Variants in WDPCP observed in about 807,000 individuals in gnomAD.
The protein encoded by WDPCP is WD repeat-containing and planar cell polarity effector protein fritz homolog.
Under a neutral mutation model 93.1 loss-of-function variants are expected in WDPCP, and 71 were observed. That is an observed-to-expected ratio of 0.76 (90% CI 0.63 to 0.93). WDPCP has a LOEUF of 0.93. Ranked by LOEUF, WDPCP falls within the 40% of genes least tolerant of loss-of-function variation. WDPCP has a pLI of 0.00. For missense variants in WDPCP, 844 were observed against 887.4 expected, an observed-to-expected ratio of 0.95 and a Z score of 0.62; for synonymous variants, 315 against 315.0, an observed-to-expected ratio of 1.00 and a Z score of 0.00.
chr2:63,681,694 C>T (rs988146016), intron 2 of WDPCP, among the ~76,000 whole-genome samples: 5 of 152,060 alleles, frequency 3.3e-5, no homozygotes, highest in African/African-American at 4.8e-5. Flanking sequence ...TGAATATAGG[C>T]GGTAGGGAGG....
At chr2:63,464,929 G>A (rs1040806792) in intron 6 of WDPCP, among the ~76,000 whole-genome samples, 6 of 151,962 alleles carry the variant, frequency 3.9e-5, no homozygotes, top group African/African-American at 1.4e-4. Context: ...TAGAGTTTCT[G>A]TTTTGCAAAA....
rs574950707 is a variant in WDPCP at position 63,686,703 on chromosome 2, G to A, written n.309-35865C>T. On this transcript the variant is annotated intron_variant and non_coding_transcript_variant, in intron 2 of 4. Transcript: ENST00000467687. Reference sequence around the variant, plus strand: ...GTACTATAGTAACCAAAACAGAATGGTACTCGCATAAAAACAAACACATAG... The same window carrying A: ...GTACTATAGTAACCAAAACAGAATGATACTCGCATAAAAACAAACACATAG... Among the ~76,000 whole-genome samples the A allele has an allele frequency of 4.6e-5, 7 of 152,198 alleles. No homozygotes were observed. The South Asian group carries it at 1.5e-3, about 32-fold the overall frequency.
chr2:63,766,627 T>C (rs768434532), intron 2 of WDPCP, among the ~76,000 whole-genome samples: 4 of 151,838 alleles, frequency 2.6e-5, no homozygotes, highest in Non-Finnish European at 4.4e-5. Flanking sequence ...ATAAAATGCA[T>C]ATGTTTAAAG....
At chr2:63,808,575 C>G (rs62138820) in intron 2 of WDPCP, among the ~76,000 whole-genome samples, 7,187 of 152,298 alleles carry the variant, frequency 0.047, 298 homozygotes, top group African/African-American at 0.1. Context: ...AGCTCCTAAC[C>G]GCCAGTGATC....
chr2:63,497,414 G>A (rs949593694), intron 1 of WDPCP, among the ~76,000 whole-genome samples: 2 of 152,118 alleles, frequency 1.3e-5, no homozygotes, highest in African/African-American at 4.8e-5. Context: ...GATTAAGGAG[G>A]GGGCTTTGCA....
chr2:63,617,575 G>A (rs1021898465), intron 3 of WDPCP, among the ~76,000 whole-genome samples: 6 of 152,174 alleles, frequency 3.9e-5, no homozygotes, highest in African/African-American at 7.2e-5. Flanking sequence ...CTCAGGGGTG[G>A]TGGAGGCAAA....
At chr2:63,588,885 G>C, upstream of WDPCP, 1 of 907,036 alleles carries the variant, frequency 1.1e-6, no homozygotes, top group South Asian at 1.4e-5. Flanking sequence ...CCACAACCAG[G>C]GCAGCGTAAA....
intron 14 of WDPCP, among the ~76,000 whole-genome samples, chr2:63,218,206 T>C: frequency 6.6e-6 from 1 of 152,182 alleles, no homozygotes; most frequent in East Asian, 1.9e-4. Flanking sequence ...AAGTTTCTGG[T>C]CAGTGAAGGA....
chr2:63,422,981 ACT>A (rs1695984705), intron 9 of WDPCP, among the ~76,000 whole-genome samples: 1 of 152,196 alleles, frequency 6.6e-6, no homozygotes, highest in Non-Finnish European at 1.5e-5. Context: ...GGGGATGCAC[ACT>A]CGGTGATAAA....
chr2:63,550,037 C>G (rs980822634), intron 1 of WDPCP, among the ~76,000 whole-genome samples: 3 of 149,954 alleles, frequency 2.0e-5, no homozygotes, highest in Non-Finnish European at 3.0e-5. Flanking sequence ...TCTTAAACAT[C>G]TTCAAATGCA....
intron 3 of WDPCP, among the ~76,000 whole-genome samples, chr2:63,612,761 A>G (rs1309464181): frequency 2.6e-5 from 4 of 152,042 alleles, no homozygotes; most frequent in Admixed American, 2.0e-4. Context: ...TTTCTCCCAC[A>G]TGTATGTGTA....
chr2:63,694,621 A>G (rs1575749403), intron 2 of WDPCP, among the ~76,000 whole-genome samples: 1 of 152,246 alleles, frequency 6.6e-6, no homozygotes, highest in South Asian at 2.1e-4. Context: ...TGGGGACTCA[A>G]TTCCATGTAC....
At chr2:63,684,104 C>T (rs1668771279) in intron 2 of WDPCP, among the ~76,000 whole-genome samples, 1 of 152,142 alleles carries the variant, frequency 6.6e-6, no homozygotes, top group Non-Finnish European at 1.5e-5. Context: ...ATTTAATCTA[C>T]ACTATAGACC....
At chr2:63,241,910 C>A (rs1000414462) in intron 14 of WDPCP, among the ~76,000 whole-genome samples, 2 of 151,892 alleles carry the variant, frequency 1.3e-5, no homozygotes, top group Non-Finnish European at 2.9e-5. Context: ...GACTTTAATG[C>A]CATTTTAGGA....
At chr2:63,393,451 G>A (rs1038743555) in intron 10 of WDPCP, among the ~76,000 whole-genome samples, 1 of 151,916 alleles carries the variant, frequency 6.6e-6, no homozygotes, top group African/African-American at 2.4e-5. Flanking sequence ...TAGTTGATCA[G>A]TAAACCAACA....
chr2:63,642,339 T>C (rs1709990756), intron 3 of WDPCP: 1 of 152,124 alleles, frequency 6.6e-6, no homozygotes, highest in African/African-American at 2.4e-5. Context: ...TTGTTTCTGT[T>C]TTTGCGAAGA....
intron 17 of WDPCP, among the ~76,000 whole-genome samples, chr2:63,139,207 C>T (rs1574701014): frequency 1.3e-5 from 2 of 150,902 alleles, no homozygotes; most frequent in East Asian, 3.9e-4. Context: ...ACACCAGTTT[C>T]TTTATCCACT....
intron 1 of WDPCP, among the ~76,000 whole-genome samples, chr2:63,513,848 T>C (rs1282885580): frequency 1.3e-5 from 2 of 152,202 alleles, no homozygotes; most frequent in Admixed American, 1.3e-4. Context: ...AATAGACAGT[T>C]TTCCCTGGAT....
At chr2:63,612,931 C>CTTTT (rs553611122) in intron 3 of WDPCP, among the ~76,000 whole-genome samples, 1 of 142,238 alleles carries the variant, frequency 7.0e-6, no homozygotes. Flanking sequence ...TTCTTTCTTT[C>CTTTT]TTTTTTTTTT....
Sources: gnomAD v4.1 joint callset for allele counts (sites outside exome capture counted in the v4.1 genomes callset) on GRCh38, gnomAD v4.1.1 for gene constraint, MANE v1.5 for transcripts, NCBI Gene and HGNC (gene_info 2026-07-23, HGNC 2026-07-21) for gene names.